REV3L: variants seen among roughly 807,000 people sequenced by gnomAD.
REV3L encodes REV3 like, DNA directed polymerase zeta catalytic subunit.
Under a neutral mutation model 299.4 loss-of-function variants are expected in REV3L, and 69 were observed. That is an observed-to-expected ratio of 0.23 (90% confidence interval 0.19 to 0.28). The LOEUF (loss-of-function observed/expected upper bound fraction) is 0.28. Among genes scored for constraint, REV3L ranks in the 10% least tolerant of loss-of-function variants. REV3L has a pLI of 1.00. For synonymous variants in REV3L, 1,238 were observed against 1,271.4 expected (o/e 0.97, Z 0.56); for missense variants, 3,128 against 3,693.8 (o/e 0.85, Z 3.97).
rs1470268021 is a variant in REV3L at position 111,452,508 on chromosome 6, A to C, written c.139+30242T>G. Among the ~76,000 whole-genome samples the C allele has an allele frequency of 3.3e-5, 5 of 152,206 alleles. No homozygotes were observed. In the East Asian group the frequency reaches 9.6e-4, roughly 29 times the overall value. On this transcript the variant is annotated intron_variant, in intron 1 of 31. Coordinates refer to ENST00000368802, the MANE Select transcript of REV3L (RefSeq NM_001372078.1). The stretch of plus-strand genomic sequence containing the variant: ...GCATATAATGCAATTAAAAAAAAAC[A>C]TTAACTCATACGACAATGTGGATGA...
intron 11 of REV3L, among the ~76,000 whole-genome samples, chr6:111,378,429 T>C (rs1442218069): frequency 6.6e-6 from 1 of 152,208 alleles, no homozygotes; most frequent in Non-Finnish European, 1.5e-5. Context: ...GAAATTATTA[T>C]TATTTTATTA....
intron 12 of REV3L, among the ~76,000 whole-genome samples, chr6:111,377,164 T>C (rs1780397636): frequency 6.6e-6 from 1 of 152,184 alleles, no homozygotes; most frequent in Non-Finnish European, 1.5e-5. Flanking sequence ...GGTCAACAAA[T>C]GTTATATCCT....
rs888098001 is a variant in REV3L at position 111,376,818 on chromosome 6, T to G, written c.1598-61A>C. The G allele has an allele frequency of 6.7e-6, 9 of 1,349,530 alleles. No individual in the cohort carries two copies. In the Admixed American group the frequency reaches 7.6e-5, roughly 11 times the overall value. 83.6% of individuals were successfully genotyped at this position (1,349,530 alleles called of 1,614,324 possible). A position where few individuals can be genotyped will look rare whatever the true frequency, so the allele number is the denominator to read the frequency against. The stretch of plus-strand genomic sequence containing the variant: ...TACTCTTTTAATTTTTAAGACATTT[T>G]CCCACACCAAGATATTAATGCTATC... On this transcript the variant is annotated intron_variant, in intron 12 of 31. Coordinates refer to ENST00000368802, the MANE Select transcript of REV3L (RefSeq NM_001372078.1).
chr6:111,330,043 A>G (rs1271477381), intron 24 of REV3L, among the ~76,000 whole-genome samples: 1 of 152,196 alleles, frequency 6.6e-6, no homozygotes, highest in Admixed American at 6.5e-5. Context: ...CTTCAGAGGG[A>G]AATTTTGTTC....
At position 111,374,908 on chromosome 6, in the gene REV3L, A is replaced by G; in HGVS notation, c.3447T>C (p.Leu1149=). The G allele has an allele frequency of 1.2e-6, 2 of 1,613,316 alleles. No individual in the cohort carries two copies. Among genetic ancestry groups the G allele is most frequent in the South Asian group, 2.2e-5 (2 of 90,778 alleles). The change falls in exon 13 of 32, where the codon CTT becomes CTC. Residue 1149 remains leucine (L), a synonymous_variant. Transcript: ENST00000368802. ...IMAAAEKEAM[L]FKGPNVYKKT... ...TCTTATATACATTAGGACCCTTAAA[A>G]AGCATTGCCTCTTTTTCTGCAGCAG...
At chr6:111,430,799 G>A in intron 1 of REV3L, 1 of 1,608,252 alleles carries the variant, frequency 6.2e-7, no homozygotes, top group South Asian at 1.1e-5. Flanking sequence ...GAAGGAATCT[G>A]GAGGAAAGCT....
intron 26 of REV3L, among the ~76,000 whole-genome samples, chr6:111,320,561 C>CT (rs1422105916): frequency 2.0e-5 from 3 of 152,140 alleles, no homozygotes; most frequent in Non-Finnish European, 4.4e-5. Context: ...ATGGTACTGA[C>CT]TTTTTTGTGT....
chr6:111,482,679 T>G (rs180774555), intron 1 of REV3L, 71 bp downstream of exon 1: 12 of 1,004,456 alleles, frequency 1.2e-5, no homozygotes, highest in East Asian at 6.3e-5. Flanking sequence ...TGTGCGCGTG[T>G]GCGCGGCGGG....
intron 1 of REV3L, among the ~76,000 whole-genome samples, chr6:111,467,776 T>C (rs1355175787): frequency 1.3e-5 from 2 of 152,210 alleles, no homozygotes; most frequent in Non-Finnish European, 2.9e-5. Flanking sequence ...TGAGCATCTG[T>C]GGATTTTTAT....
chr6:111,412,253 C>A (rs1021474679), intron 2 of REV3L: 6 of 984,844 alleles, frequency 6.1e-6, no homozygotes, highest in Non-Finnish European at 7.2e-6. Flanking sequence ...CTTACTTAAG[C>A]AACATAATCA....
chr6:111,308,066 G>A (rs968619203), intron 30 of REV3L: 7 of 309,850 alleles, frequency 2.3e-5, no homozygotes, highest in Admixed American at 4.7e-5. Flanking sequence ...ATAGTTTGCT[G>A]AGAATGATGG....
At chr6:111,346,398 A>G (rs1777027819) in intron 20 of REV3L, among the ~76,000 whole-genome samples, 1 of 152,244 alleles carries the variant, frequency 6.6e-6, no homozygotes, top group South Asian at 2.1e-4. Context: ...TTCAAAGTCC[A>G]TAAGGAAACT....
chr6:111,453,743 G>T (rs1789826640), intron 1 of REV3L, among the ~76,000 whole-genome samples: 1 of 152,122 alleles, frequency 6.6e-6, no homozygotes, highest in African/African-American at 2.4e-5. Flanking sequence ...CAGCACTTTG[G>T]GAGGCTGAGG....
At chr6:111,465,581 A>AAGTT (rs1179497020) in intron 1 of REV3L, among the ~76,000 whole-genome samples, 1 of 151,348 alleles carries the variant, frequency 6.6e-6, no homozygotes, top group African/African-American at 2.4e-5. Flanking sequence ...TAAAAATTCA[A>AAGTT]AGTTAGCTGG....
chr6:111,344,489 A>G (rs1005170197), intron 20 of REV3L, among the ~76,000 whole-genome samples: 15 of 152,180 alleles, frequency 9.9e-5, no homozygotes, highest in African/African-American at 2.9e-4. Flanking sequence ...TCTCCTCCCA[A>G]TAATTACATT....
intron 21 of REV3L, among the ~76,000 whole-genome samples, chr6:111,342,301 C>G (rs1210389114): frequency 1.3e-5 from 2 of 152,236 alleles, no homozygotes; most frequent in East Asian, 3.9e-4. Flanking sequence ...GGGCCCAGGA[C>G]CTGCCAGTGG....
At chr6:111,407,278 A>G (rs1783744521) in intron 3 of REV3L, among the ~76,000 whole-genome samples, 1 of 152,220 alleles carries the variant, frequency 6.6e-6, no homozygotes, top group South Asian at 2.1e-4. Flanking sequence ...AAAAGCATAA[A>G]GATAAACAAA....
At chr6:111,473,740 T>C (rs931335519) in intron 1 of REV3L, among the ~76,000 whole-genome samples, 1 of 152,104 alleles carries the variant, frequency 6.6e-6, no homozygotes, top group African/African-American at 2.4e-5. Flanking sequence ...CTTTCAATTA[T>C]CATCAATGCC....
chr6:111,376,726 G>C lies in REV3L; in HGVS notation c.1629C>G (p.Thr543=), dbSNP rs771919970. ...TGCTTGTTGCAATTACAGAAGAGTGGGTTCTAGAATTTTCATTGTTCAATG... is the reference window on the plus strand; with the variant it reads ...TGCTTGTTGCAATTACAGAAGAGTGCGTTCTAGAATTTTCATTGTTCAATG... The part of the protein sequence containing the change: ...DNPLNNENSR[T]HSSVIATSKL... Residue 543 remains threonine (T), a synonymous_variant, in exon 13 of 32, where the codon ACC becomes ACG. Transcript: ENST00000368802. 2.5e-6 allele frequency: 4 copies of C among 1,593,430 alleles called. No homozygotes were observed. The highest frequency in any genetic ancestry group is 2.7e-5 in the African/African-American group (2 of 74,310).
Sources: gnomAD v4.1 joint callset for allele counts (sites outside exome capture counted in the v4.1 genomes callset) on GRCh38, gnomAD v4.1.1 for gene constraint, MANE v1.5 for transcripts, NCBI Gene and HGNC (gene_info 2026-07-23, HGNC 2026-07-21) for gene names.